DCAF10: variants seen among roughly 807,000 people sequenced by gnomAD.
DCAF10 encodes the protein DDB1 and CUL4 associated factor 10, also known as DDB1- and CUL4-associated factor 10.
In DCAF10, 19 loss-of-function variants were observed where a neutral mutation model predicts 51.9. The ratio of observed to expected loss-of-function variants is 0.37; its 90% CI spans 0.26 to 0.54. DCAF10 has a LOEUF of 0.54. Ranked by LOEUF, DCAF10 falls within the 20% of genes least tolerant of loss-of-function variation. The pLI is 0.87. For synonymous variants in DCAF10, 291 were observed against 297.1 expected, an observed-to-expected ratio of 0.98 and a Z score of 0.21; for missense variants, 510 against 730.6, an observed-to-expected ratio of 0.70 and a Z score of 3.48.
rs1831075551 is a variant in DCAF10, at chr9:37,863,752, A to G, written c.*2244A>G. The stretch of plus-strand genomic sequence containing the variant: ...AGAAAAGTATTTTAAATCTTACAGA[A>G]ATGTTTAAACAACCCAAAATACATG... On this transcript the variant is annotated 3_prime_UTR_variant, in exon 7 of 7. Coordinates refer to ENST00000377724, the MANE Select transcript of DCAF10 (RefSeq NM_024345.5). 1.3e-5 allele frequency: 2 copies of G among 152,210 alleles called. No individual in the cohort carries two copies. The highest frequency in any genetic ancestry group is 3.8e-4 in the East Asian group (2 of 5,206). The allele number at this position is 152,210 out of a possible 1,614,324, so 9.4% of individuals were successfully genotyped here. A position where few individuals can be genotyped will look rare whatever the true frequency, so the allele number is the denominator to read the frequency against.
intron 3 of DCAF10, among the ~76,000 whole-genome samples, chr9:37,847,671 T>TA (rs1402279581): frequency 4.0e-5 from 6 of 151,786 alleles, no homozygotes; most frequent in East Asian, 3.9e-4. Context: ...TGCAATCAGG[T>TA]AAAAAAAAGA....
chr9:37,829,155 AAAC>A lies in DCAF10; in HGVS notation c.653+9755_653+9757del, dbSNP rs1829937335. Among the ~76,000 whole-genome samples the A allele has an allele frequency of 6.6e-6, 1 of 152,232 alleles. No homozygotes were observed. Among genetic ancestry groups the A allele is most frequent in the Non-Finnish European group, 1.5e-5 (1 of 68,044 alleles). On this transcript the variant is annotated intron_variant, in intron 2 of 6. Coordinates refer to ENST00000377724, the MANE Select transcript of DCAF10 (RefSeq NM_024345.5). The surrounding 1 kb of genome is among the most constrained non-coding windows in gnomAD (Gnocchi z 4.2). The stretch of plus-strand genomic sequence containing the variant: ...AAAGAGGCAGAGAATCACCTAAGAT[AAAC>A]TACAATGAACAGGCCGGGCACGGTG...
chr9:37,860,373 C>A, intron 6 of DCAF10, 180 bp downstream of exon 6: 1 of 710,104 alleles, frequency 1.4e-6, no homozygotes, highest in Non-Finnish European at 2.1e-6. Context: ...ATCATTATCC[C>A]TTCCAAACTC....
rs1304450844 is a variant in DCAF10 at position 37,850,850 on chromosome 9, A to T, written c.852-3930A>T. Among the ~76,000 whole-genome samples the T allele has an allele frequency of 3.9e-4, 24 of 61,196 alleles. 1 individual carries two copies. Among genetic ancestry groups the T allele is most frequent in the East Asian group, 1.4e-3 (3 of 2,208 alleles). 40.1% of individuals were successfully genotyped at this position (61,196 alleles called of 152,430 possible). On this transcript the variant is annotated intron_variant, in intron 3 of 6. Transcript: ENST00000377724. ...TTTATATATATATATATATATATAT[A>T]TATATATATATATATATATATATAT...
intron 3 of DCAF10, among the ~76,000 whole-genome samples, chr9:37,852,421 G>A (rs1271524821): frequency 6.6e-6 from 1 of 152,004 alleles, no homozygotes; most frequent in Non-Finnish European, 1.5e-5. Context: ...AACACAGCAA[G>A]ACCCCATCTC....
In DCAF10 at chr9:37,857,029, CAT is replaced by C. The variant is rs1437228386; in HGVS notation, c.1055-210_1055-209del. On this transcript the variant is annotated intron_variant, in intron 4 of 6. Transcript: ENST00000377724. ...TATTTGGTTTTTCATTTTTATTTCA[CAT>C]AGTCAAGTCTTTGATATAAAAGATT... Among the ~76,000 whole-genome samples the C allele has an allele frequency of 3.9e-5, 6 of 152,262 alleles. No homozygotes were observed. The East Asian group carries it at 7.7e-4, about 20-fold the overall frequency.
chr9:37,850,312 A>G (rs10973583), intron 3 of DCAF10, among the ~76,000 whole-genome samples: 29,096 of 152,218 alleles, frequency 0.19, 3,177 homozygotes, highest in African/African-American at 0.29. Flanking sequence ...TCACTATGTC[A>G]AAAAGATATC....
intron 3 of DCAF10, among the ~76,000 whole-genome samples, chr9:37,852,660 C>G (rs1830693908): frequency 1.3e-5 from 2 of 152,092 alleles, no homozygotes; most frequent in South Asian, 4.2e-4. Flanking sequence ...CCTATAATCC[C>G]AGCACTTTTG....
chr9:37,816,659 G>GGGGTGTGTGTGT (rs372664140), intron 1 of DCAF10, among the ~76,000 whole-genome samples: 12 of 144,890 alleles, frequency 8.3e-5, no homozygotes, highest in African/African-American at 1.5e-4. Context: ...CTGCACCTGG[G>GGGGTGTGTGTGT]GTGTGTGTGT....
chr9:37,801,461 C>A lies in DCAF10; in HGVS notation c.539+56C>A. The A allele has an allele frequency of 1.7e-5, 23 of 1,363,704 alleles. No homozygotes were observed. The highest frequency in any genetic ancestry group is 2.1e-5 in the Non-Finnish European group (22 of 1,057,112). 84.5% of individuals were successfully genotyped at this position (1,363,704 alleles called of 1,614,324 possible). A position where few individuals can be genotyped will look rare whatever the true frequency, so the allele number is the denominator to read the frequency against. ...CGCCTCCGCCCGGCTCTGCTGCCAGCGGACGGCCGTCCTGGGCTCGCTCCC... is the reference window on the plus strand; with the variant it reads ...CGCCTCCGCCCGGCTCTGCTGCCAGAGGACGGCCGTCCTGGGCTCGCTCCC... On this transcript the variant is annotated intron_variant, in intron 1 of 6. Transcript: ENST00000377724. The surrounding 1 kb of genome is among the most constrained non-coding windows in gnomAD (Gnocchi z 5.5).
chr9:37,800,866 C>A lies in DCAF10; in HGVS notation c.-1C>A, dbSNP rs1389374363. The A allele has an allele frequency of 2.7e-6, 4 of 1,491,614 alleles. No homozygotes were observed. The highest frequency in any genetic ancestry group is 2.6e-5 in the South Asian group (2 of 76,716). The allele number at this position is 1,491,614 out of a possible 1,614,324, so 92.4% of individuals were successfully genotyped here. On this transcript the variant is annotated 5_prime_UTR_variant, in exon 1 of 7. Transcript: ENST00000377724. ...CGGAGCGGGGGGCGGGGGCGTTGAT[C>A]ATGTTTCCCTTTGGGCCCCATAGCC... is the stretch of plus-strand genomic sequence containing the variant.
chr9:37,826,822 T>C (rs1829865027), intron 2 of DCAF10, among the ~76,000 whole-genome samples: 1 of 94,022 alleles, frequency 1.1e-5, no homozygotes, highest in Non-Finnish European at 2.2e-5. Flanking sequence ...CACAATACCT[T>C]TTTTTTTTTT....
At chr9:37,815,263 G>A (rs1829490625) in intron 1 of DCAF10, among the ~76,000 whole-genome samples, 1 of 152,194 alleles carries the variant, frequency 6.6e-6, no homozygotes, top group Admixed American at 6.5e-5. Flanking sequence ...GGAACAAGAT[G>A]AGTGCCTGCT....
chr9:37,844,570 G>A (rs1326306938), intron 3 of DCAF10, among the ~76,000 whole-genome samples: 2 of 152,210 alleles, frequency 1.3e-5, no homozygotes, highest in Non-Finnish European at 2.9e-5. Context: ...AGAATCACTT[G>A]AACCCAGGAG....
chr9:37,806,008 C>T (rs941016093), intron 1 of DCAF10, among the ~76,000 whole-genome samples: 4 of 151,944 alleles, frequency 2.6e-5, no homozygotes, highest in Non-Finnish European at 4.4e-5. Context: ...CACTTGAGCT[C>T]GGAAGGTGGA....
chr9:37,829,471 CA>C lies in DCAF10; in HGVS notation c.653+10076del, dbSNP rs1300384871. Among the ~76,000 whole-genome samples, 1 of 151,728 alleles carries C rather than the reference CA, an allele frequency of 6.6e-6. No individual in the cohort carries two copies. Among genetic ancestry groups the C allele is most frequent in the Non-Finnish European group, 1.5e-5 (1 of 67,930 alleles). ...AATTAATAAATAAAATAAAATAAAA[CA>C]AAAAACTACAATGAAGAATAACTAC... On this transcript the variant is annotated intron_variant, in intron 2 of 6. Transcript: ENST00000377724. This position sits in a 1 kb window ranked among gnomAD's most constrained non-coding sequence, Gnocchi z 4.2.
At chr9:37,854,437 C>G (rs930750728) in intron 3 of DCAF10, among the ~76,000 whole-genome samples, 8 of 152,078 alleles carry the variant, frequency 5.3e-5, no homozygotes, top group African/African-American at 1.9e-4. Flanking sequence ...CACATTGTAA[C>G]TGCACATATT....
chr9:37,812,185 T>A, intron 1 of DCAF10, among the ~76,000 whole-genome samples: 1 of 150,122 alleles, frequency 6.7e-6, no homozygotes. Context: ...GAAACAAAAC[T>A]GCTTCAAAAA....
Position 37,865,076 on chromosome 9 carries a change from A to G in DCAF10, c.*3568A>G, listed in dbSNP as rs941498151. On this transcript the variant is annotated 3_prime_UTR_variant, in exon 7 of 7. Transcript: ENST00000377724. ...CTGTTATTTGTTTAGTATCTTCTGG[A>G]TTTTTTTTTTTTAATTATAGAGCTA... is the stretch of plus-strand genomic sequence containing the variant. 5 of 146,206 alleles carry G rather than the reference A, an allele frequency of 3.4e-5. No individual in the cohort carries two copies. The highest frequency in any genetic ancestry group is 1.2e-4 in the African/African-American group (5 of 40,010). The allele number at this position is 146,206 out of a possible 1,614,324, so 9.1% of individuals were successfully genotyped here.
Sources: allele counts gnomAD v4.1 joint callset (sites outside exome capture counted in the v4.1 genomes callset), GRCh38; gene constraint gnomAD v4.1.1; non-coding constraint Gnocchi (gnomAD v3.1); transcripts MANE v1.5; gene names NCBI Gene and HGNC (gene_info 2026-07-23, HGNC 2026-07-21).